The following LRMDA variants were observed in gnomAD, a reference collection of about 807,000 sequenced individuals.
LRMDA encodes the protein leucine rich melanocyte differentiation associated.
Under a neutral mutation model 29.8 loss-of-function variants are expected in LRMDA, and 18 were observed. That is an observed-to-expected ratio of 0.60 (90% CI 0.42 to 0.90). The LOEUF is 0.90. Ranked by LOEUF, LRMDA falls within the 40% of genes least tolerant of loss-of-function variation. The probability of loss-of-function intolerance (pLI) is 0.00; values close to 1 mark genes in which losing one functional copy is unlikely to be tolerated. For synonymous variants in LRMDA, 125 were observed against 109.4 expected (o/e 1.14, Z -0.89); for missense variants, 273 against 273.9 (o/e 1.00, Z 0.02).
intron 5 of LRMDA, among the ~76,000 whole-genome samples, chr10:76,165,322 G>C (rs551517083): frequency 3.3e-5 from 5 of 151,980 alleles, no homozygotes; most frequent in African/African-American, 1.2e-4. Context: ...ACCCAGGCTG[G>C]AGTACAGTGG....
At chr10:76,087,135 G>A (rs1589320886) in intron 5 of LRMDA, among the ~76,000 whole-genome samples, 1 of 152,184 alleles carries the variant, frequency 6.6e-6, no homozygotes, top group African/African-American at 2.4e-5. Flanking sequence ...CTGGTGGGGC[G>A]GGTGGCATGC....
intron 2 of LRMDA, among the ~76,000 whole-genome samples, chr10:75,851,984 G>C (rs958132328): frequency 6.6e-6 from 1 of 152,226 alleles, no homozygotes; most frequent in Non-Finnish European, 1.5e-5. Flanking sequence ...GCCTTGAGAA[G>C]GCTCTCTGGA....
intron 2 of LRMDA, among the ~76,000 whole-genome samples, chr10:75,858,662 T>C (rs1454523583): frequency 2.0e-5 from 3 of 152,204 alleles, no homozygotes; most frequent in African/African-American, 7.2e-5. Context: ...TCCATTCATC[T>C]GGTTTGCTTG....
chr10:75,955,436 AC>A (rs1846648219), intron 2 of LRMDA, among the ~76,000 whole-genome samples: 1 of 152,146 alleles, frequency 6.6e-6, no homozygotes, highest in South Asian at 2.1e-4. Flanking sequence ...AGGCATTGAG[AC>A]CATGAGTGGT....
chr10:75,814,629 G>A (rs1172486485), intron 2 of LRMDA, among the ~76,000 whole-genome samples: 1 of 152,142 alleles, frequency 6.6e-6, no homozygotes, highest in East Asian at 1.9e-4. Flanking sequence ...CCAACCAAGT[G>A]CAGGCAGCCG....
At chr10:75,963,280 A>G (rs1416201286) in intron 2 of LRMDA, among the ~76,000 whole-genome samples, 1 of 152,236 alleles carries the variant, frequency 6.6e-6, no homozygotes, top group Non-Finnish European at 1.5e-5. Context: ...TTTTCTCTGC[A>G]TCTGAGATCA....
chr10:76,254,315 C>T lies in LRMDA; in HGVS notation c.517-70086C>T, dbSNP rs1172268291. On this transcript the variant is annotated intron_variant, in intron 5 of 6. Coordinates refer to ENST00000611255, the MANE Select transcript of LRMDA (RefSeq NM_001305581.2). ...TATACTATACTATACCATACCATAC[C>T]ATACCATACCATACCATACCATACC... Among the ~76,000 whole-genome samples, 74 of 147,372 alleles carry T rather than the reference C, an allele frequency of 5.0e-4. 1 individual carries two copies. Among genetic ancestry groups the T allele is most frequent in the Middle Eastern group, 3.4e-3 (1 of 290 alleles).
intron 6 of LRMDA, among the ~76,000 whole-genome samples, chr10:76,337,216 A>G (rs959719877): frequency 1.3e-5 from 2 of 152,246 alleles, no homozygotes; most frequent in African/African-American, 2.4e-5. Context: ...TGTTCAAAAC[A>G]TTAGAGATAG....
At chr10:76,508,802 AT>A (rs1281268774) in intron 6 of LRMDA, among the ~76,000 whole-genome samples, 1 of 152,172 alleles carries the variant, frequency 6.6e-6, no homozygotes, top group African/African-American at 2.4e-5. Context: ...GCAATCCTAC[AT>A]TTTTAATGAA....
intron 5 of LRMDA, among the ~76,000 whole-genome samples, chr10:76,189,315 C>A (rs552438172): frequency 5.3e-5 from 8 of 151,888 alleles, no homozygotes; most frequent in African/African-American, 1.9e-4. Context: ...TAAGATTGTG[C>A]GACTGCACTC....
chr10:75,725,813 G>A (rs558944677), intron 2 of LRMDA, among the ~76,000 whole-genome samples: 11 of 152,206 alleles, frequency 7.2e-5, no homozygotes, highest in Non-Finnish European at 1.6e-4. Flanking sequence ...CTGTTTGACT[G>A]GGTGGGAGGG....
chr10:75,746,710 G>A (rs1365670724), intron 2 of LRMDA, among the ~76,000 whole-genome samples: 3 of 152,122 alleles, frequency 2.0e-5, no homozygotes, highest in Admixed American at 6.5e-5. Context: ...GAGTGCGTGG[G>A]TAGAGAGTGC....
chr10:76,187,399 A>G (rs550059176), intron 5 of LRMDA, among the ~76,000 whole-genome samples: 1 of 152,258 alleles, frequency 6.6e-6, no homozygotes, highest in South Asian at 2.1e-4. Flanking sequence ...TTTCCCTTGT[A>G]TCAGGGACCA....
chr10:75,540,027 T>C (rs764604049), intron 2 of LRMDA, among the ~76,000 whole-genome samples: 3 of 152,210 alleles, frequency 2.0e-5, no homozygotes, highest in Non-Finnish European at 4.4e-5. Context: ...TCTGGGGGTA[T>C]AGGCCTGATT....
chr10:75,824,669 A>G (rs1450317373), intron 2 of LRMDA, among the ~76,000 whole-genome samples: 4 of 152,080 alleles, frequency 2.6e-5, no homozygotes, highest in African/African-American at 9.7e-5. Context: ...TCTTATTCCT[A>G]AACTACTTTA....
intron 5 of LRMDA, among the ~76,000 whole-genome samples, chr10:76,067,273 A>T (rs1223228902): frequency 6.6e-6 from 1 of 152,186 alleles, no homozygotes; most frequent in Non-Finnish European, 1.5e-5. Flanking sequence ...GGGCCATAAA[A>T]AGTTGTCATT....
chr10:76,381,294 A>G (rs1841589304), intron 6 of LRMDA, among the ~76,000 whole-genome samples: 1 of 152,034 alleles, frequency 6.6e-6, no homozygotes, highest in Non-Finnish European at 1.5e-5. Context: ...AAAGTAAATT[A>G]CATTTACTTT....
At chr10:76,335,836 ATATTTCTTATCAGACTTAAGGTC>A (rs1840961183) in intron 6 of LRMDA, among the ~76,000 whole-genome samples, 1 of 152,120 alleles carries the variant, frequency 6.6e-6, no homozygotes, top group South Asian at 2.1e-4. Context: ...TAGATTGTAA[ATATTTCTTATCAGACTTAAGGTC>A]TATGTTGATG....
intron 2 of LRMDA, among the ~76,000 whole-genome samples, chr10:75,981,113 T>C (rs907701565): frequency 6.6e-6 from 1 of 152,178 alleles, no homozygotes; most frequent in African/African-American, 2.4e-5. Context: ...TGGTTCACTT[T>C]TACATTCTTA....
Sources: allele counts gnomAD v4.1 joint callset (sites outside exome capture counted in the v4.1 genomes callset), GRCh38; gene constraint gnomAD v4.1.1; transcripts MANE v1.5; gene names NCBI Gene and HGNC (gene_info 2026-07-23, HGNC 2026-07-21).